PPP2R5E: variants seen among roughly 807,000 people sequenced by gnomAD.
PPP2R5E encodes the protein protein phosphatase 2 regulatory subunit B'epsilon.
In PPP2R5E, 4 loss-of-function variants were observed where a neutral mutation model predicts 65.3. That is an observed-to-expected ratio of 0.06 (90% confidence interval 0.03 to 0.14). The LOEUF (loss-of-function observed/expected upper bound fraction) is 0.14. Ranked by LOEUF, PPP2R5E falls within the 10% of genes least tolerant of loss-of-function variation. The pLI is 1.00. For synonymous variants in PPP2R5E, 183 were observed against 187.4 expected (o/e 0.98, Z 0.19); for missense variants, 274 against 556.1 (o/e 0.49, Z 5.10).
chr14:63,404,383 T>C (rs1037299780), intron 5 of PPP2R5E, among the ~76,000 whole-genome samples: 5 of 152,204 alleles, frequency 3.3e-5, no homozygotes, highest in Admixed American at 1.3e-4. Flanking sequence ...AAATCAGATG[T>C]CCACATTTCT....
intron 3 of PPP2R5E, among the ~76,000 whole-genome samples, chr14:63,450,371 G>C (rs977967067): frequency 6.6e-6 from 1 of 152,194 alleles, no homozygotes; most frequent in African/African-American, 2.4e-5. Context: ...CAGACTCAAT[G>C]CCTCCTAAGA....
chr14:63,382,660 C>G (rs1029940580), intron 12 of PPP2R5E, among the ~76,000 whole-genome samples: 1 of 151,962 alleles, frequency 6.6e-6, no homozygotes, highest in African/African-American at 2.4e-5. Flanking sequence ...CTCGGCCTCC[C>G]AAAGTGCTGG....
rs144562140 is a variant in PPP2R5E at position 63,496,721 on chromosome 14, G to A, written c.157+42808C>T. Among the ~76,000 whole-genome samples, 4 of 151,902 alleles carry A rather than the reference G, an allele frequency of 2.6e-5. 1 individual carries two copies. The highest frequency in any genetic ancestry group is 5.9e-5 in the Non-Finnish European group (4 of 67,952). On this transcript the variant is annotated intron_variant, in intron 2 of 13. Transcript: ENST00000337537. The stretch of plus-strand genomic sequence containing the variant: ...ATTTTCCTTTTCAATTTATTGATCT[G>A]AGTAATCAAAACTAATGGATGTGAT...
chr14:63,391,394 AGTTTTGCTTTGTTTTGTTTT>A (rs1885012905), intron 10 of PPP2R5E, among the ~76,000 whole-genome samples: 1 of 148,994 alleles, frequency 6.7e-6, no homozygotes, highest in African/African-American at 2.5e-5. Context: ...GAGATGATGC[AGTTTTGCTTTGTTTTGTTTT>A]GTTTTGTTTT....
At chr14:63,484,343 T>TCACACACACACACA (rs1156834992) in intron 2 of PPP2R5E, among the ~76,000 whole-genome samples, 1 of 133,272 alleles carries the variant, frequency 7.5e-6, no homozygotes, top group African/African-American at 3.1e-5. Context: ...TTTCTCTCTC[T>TCACACACACACACA]CTCTCACACA....
intron 3 of PPP2R5E, among the ~76,000 whole-genome samples, chr14:63,424,184 G>C (rs918747210): frequency 6.6e-6 from 1 of 152,188 alleles, no homozygotes; most frequent in Non-Finnish European, 1.5e-5. Context: ...ACTAATTAAG[G>C]ACAAGACATA....
chr14:63,434,394 G>C (rs897990617), intron 3 of PPP2R5E, among the ~76,000 whole-genome samples: 2 of 152,146 alleles, frequency 1.3e-5, no homozygotes, highest in Non-Finnish European at 1.5e-5. Context: ...GCATGTTCAG[G>C]ATCTGGGAAT....
chr14:63,462,967 T>C (rs1889565707), intron 2 of PPP2R5E, among the ~76,000 whole-genome samples: 2 of 151,248 alleles, frequency 1.3e-5, no homozygotes, highest in Admixed American at 1.3e-4. Flanking sequence ...CCAGGTGTGG[T>C]GGCGCATGCC....
intron 3 of PPP2R5E, among the ~76,000 whole-genome samples, chr14:63,442,272 C>T (rs974330462): frequency 2.6e-5 from 4 of 152,036 alleles, no homozygotes; most frequent in African/African-American, 7.3e-5. Context: ...TACGCTTATC[C>T]TATCCTTCAA....
In PPP2R5E at chr14:63,414,005, C is replaced by G. The variant is rs142700134; in HGVS notation, c.549+1135G>C. Among the ~76,000 whole-genome samples, 5 of 152,260 alleles carry G rather than the reference C, an allele frequency of 3.3e-5. No homozygotes were observed. In the East Asian group the frequency reaches 9.7e-4, roughly 29 times the overall value. On this transcript the variant is annotated intron_variant, in intron 5 of 13. Transcript: ENST00000337537. Reference sequence around the variant, plus strand: ...GCTCCTTTCAGCTCTGAGCTGACATCTGAACTTTGGGTTTAATTCCACTTA... The same window carrying G: ...GCTCCTTTCAGCTCTGAGCTGACATGTGAACTTTGGGTTTAATTCCACTTA...
At chr14:63,422,675 C>T (rs997489087) in intron 3 of PPP2R5E, among the ~76,000 whole-genome samples, 36 of 145,578 alleles carry the variant, frequency 2.5e-4, no homozygotes, top group African/African-American at 6.4e-4. Context: ...TGCAGTAAGC[C>T]GAGATCGCGG....
At chr14:63,430,413 A>G (rs867895322) in intron 3 of PPP2R5E, among the ~76,000 whole-genome samples, 35 of 143,528 alleles carry the variant, frequency 2.4e-4, no homozygotes, top group African/African-American at 6.7e-4. Context: ...ATACATACAT[A>G]CATACATGCA....
rs549736984 is a variant in PPP2R5E, at chr14:63,448,138, A to G, written c.354+5551T>C. On this transcript the variant is annotated intron_variant, in intron 3 of 13. Transcript: ENST00000337537. The stretch of plus-strand genomic sequence containing the variant: ...TGGTGAAACCCTGTCTCTACTAAAA[A>G]TACAAAAAATTAGCCAGGCGTGGTG... Among the ~76,000 whole-genome samples the G allele has an allele frequency of 2.4e-3, 371 of 152,122 alleles. 2 individuals are homozygous for G. Among genetic ancestry groups the G allele is most frequent in the African/African-American group, 7.8e-3 (322 of 41,498 alleles).
chr14:63,527,801 G>A (rs775823668), intron 2 of PPP2R5E, among the ~76,000 whole-genome samples: 11 of 152,104 alleles, frequency 7.2e-5, no homozygotes, highest in Non-Finnish European at 1.3e-4. Flanking sequence ...TGGGCGTGGT[G>A]GTGGGTGCCT....
At chr14:63,474,700 A>C (rs1436195832) in intron 2 of PPP2R5E, among the ~76,000 whole-genome samples, 1 of 138,984 alleles carries the variant, frequency 7.2e-6, no homozygotes, top group Non-Finnish European at 1.5e-5. Context: ...AAAAAAAAAA[A>C]CAAGAAGAAG....
In PPP2R5E at chr14:63,375,001, T is replaced by C. The variant is rs1161882782; in HGVS notation, c.*1008A>G. On this transcript the variant is annotated 3_prime_UTR_variant, in exon 14 of 14. Transcript: ENST00000337537. The stretch of plus-strand genomic sequence containing the variant: ...TCCCAGAGGCTACATCCTCTTTTGC[T>C]GGAATACTTTATAAATACATATTAA... 6.6e-6 allele frequency: 1 copy of C among 152,556 alleles called. No homozygotes were observed. Among genetic ancestry groups the C allele is most frequent in the Non-Finnish European group, 1.5e-5 (1 of 68,006 alleles). 9.5% of individuals were successfully genotyped at this position (152,556 alleles called of 1,614,324 possible).
chr14:63,432,635 G>A (rs1422799953), intron 3 of PPP2R5E, among the ~76,000 whole-genome samples: 1 of 152,166 alleles, frequency 6.6e-6, no homozygotes, highest in Non-Finnish European at 1.5e-5. Context: ...TCAGAAGACA[G>A]AGGTGCCACA....
At position 63,441,952 on chromosome 14, in the gene PPP2R5E, G is replaced by C. The variant is rs74245183; in HGVS notation, c.354+11737C>G. Among the ~76,000 whole-genome samples the C allele has an allele frequency of 7.9e-3, 1,187 of 151,200 alleles. 42 individuals are homozygous for C. The East Asian group carries it at 0.11, about 14-fold the overall frequency. On this transcript the variant is annotated intron_variant, in intron 3 of 13. Coordinates refer to ENST00000337537, the MANE Select transcript of PPP2R5E (RefSeq NM_006246.5). ...TACACAGAATACACAAAATTTTGCA[G>C]TTAACCTAAGAGGGTTCAGTGACCC...
At chr14:63,514,221 A>G (rs1310254765) in intron 2 of PPP2R5E, among the ~76,000 whole-genome samples, 1 of 152,236 alleles carries the variant, frequency 6.6e-6, no homozygotes, top group Non-Finnish European at 1.5e-5. Context: ...TCTGAATATC[A>G]TATTTATTCA....
Sources: allele counts gnomAD v4.1 joint callset (sites outside exome capture counted in the v4.1 genomes callset), GRCh38; gene constraint gnomAD v4.1.1; transcripts MANE v1.5; gene names NCBI Gene and HGNC (gene_info 2026-07-23, HGNC 2026-07-21).